The following FRMD4B variants were observed in gnomAD, a reference collection of about 807,000 sequenced individuals.
The protein encoded by FRMD4B is FERM domain-containing protein 4B.
Under a neutral mutation model 141.5 loss-of-function variants are expected in FRMD4B, and 74 were observed. The observed-to-expected ratio is 0.52, with a 90% confidence interval of 0.43 to 0.63. FRMD4B has a LOEUF of 0.63. Ranked by LOEUF, FRMD4B falls within the 30% of genes least tolerant of loss-of-function variation. The pLI, the probability that FRMD4B is intolerant of heterozygous loss-of-function variation, is 0.00. For synonymous variants in FRMD4B, 506 were observed against 467.9 expected (o/e 1.08, Z -1.05); for missense variants, 1,366 against 1,253.4 (o/e 1.09, Z -1.36).
At chr3:69,512,152 G>T (rs1396682303) in intron 1 of FRMD4B, among the ~76,000 whole-genome samples, 1 of 152,204 alleles carries the variant, frequency 6.6e-6, no homozygotes, top group African/African-American at 2.4e-5. Flanking sequence ...CAGATAAAAA[G>T]AAGAGGAACA....
At chr3:69,323,807 T>C (rs904094214) in intron 1 of FRMD4B, among the ~76,000 whole-genome samples, 1 of 151,858 alleles carries the variant, frequency 6.6e-6, no homozygotes, top group Admixed American at 6.5e-5. Flanking sequence ...GATGTAAACC[T>C]AGGTGTTCTG....
chr3:69,514,127 G>T (rs899338385), intron 1 of FRMD4B, among the ~76,000 whole-genome samples: 5 of 152,130 alleles, frequency 3.3e-5, no homozygotes, highest in Non-Finnish European at 1.5e-5. Context: ...TCTGATCACA[G>T]ATGACAAATC....
chr3:69,435,140 A>G (rs1705239837), intron 1 of FRMD4B, among the ~76,000 whole-genome samples: 1 of 152,208 alleles, frequency 6.6e-6, no homozygotes, highest in Admixed American at 6.5e-5. Flanking sequence ...ATTCTGAGGT[A>G]CTATGAATTA....
intron 5 of FRMD4B, among the ~76,000 whole-genome samples, chr3:69,269,729 C>T (rs113671350): frequency 7.3e-4 from 111 of 152,294 alleles, no homozygotes; most frequent in African/African-American, 2.4e-3. Context: ...AAGCGATTCT[C>T]GTGCCTCAGC....
chr3:69,453,238 T>A (rs531963823), intron 1 of FRMD4B, among the ~76,000 whole-genome samples: 2 of 152,198 alleles, frequency 1.3e-5, no homozygotes, highest in African/African-American at 2.4e-5. Context: ...CTATGTACAG[T>A]GCCTTGTGTT....
At chr3:69,274,398 C>A (rs1011671626) in intron 5 of FRMD4B, among the ~76,000 whole-genome samples, 51 of 152,166 alleles carry the variant, frequency 3.4e-4, no homozygotes, top group African/African-American at 1.2e-3. Context: ...TATGCACCTC[C>A]TCCGTAGCTG....
chr3:69,454,567 G>T (rs1705555940), intron 1 of FRMD4B, among the ~76,000 whole-genome samples: 1 of 152,214 alleles, frequency 6.6e-6, no homozygotes, highest in Admixed American at 6.5e-5. Context: ...GGCAGTGAGG[G>T]GCTTAGCACC....
chr3:69,356,513 C>T (rs796140992), intron 1 of FRMD4B, among the ~76,000 whole-genome samples: 5 of 151,802 alleles, frequency 3.3e-5, no homozygotes, highest in South Asian at 2.1e-4. Flanking sequence ...AGCCTGCAGA[C>T]GGCCTATTGT....
intron 1 of FRMD4B, chr3:69,353,539 C>G: frequency 1.0e-6 from 1 of 982,268 alleles, no homozygotes; most frequent in African/African-American, 1.7e-5. Flanking sequence ...AAAAATCATT[C>G]TTACCTCCGA....
chr3:69,180,656 T>C (rs2107590785), intron 21 of FRMD4B, among the ~76,000 whole-genome samples: 1 of 152,156 alleles, frequency 6.6e-6, no homozygotes, highest in South Asian at 2.1e-4. Flanking sequence ...GAGTAAATGC[T>C]CAATCAATGT....
At chr3:69,335,657 C>T (rs113138338) in intron 1 of FRMD4B, among the ~76,000 whole-genome samples, 1 of 151,952 alleles carries the variant, frequency 6.6e-6, no homozygotes, top group Non-Finnish European at 1.5e-5. Flanking sequence ...ACAATTTTTC[C>T]CCCAATACCC....
At chr3:69,206,972 G>T (rs1012573915) in intron 11 of FRMD4B, among the ~76,000 whole-genome samples, 1 of 152,006 alleles carries the variant, frequency 6.6e-6, no homozygotes, top group African/African-American at 2.4e-5. Flanking sequence ...CCAAAAAAAA[G>T]TCCCAAACCA....
In FRMD4B at chr3:69,207,100, C is replaced by T. The variant is rs549880459; in HGVS notation, c.877-8326G>A. ...GGAGGATCACTTGAGGCCATGAGTT[C>T]AAGACCAGCTTGGGCAACATAGTGA... On this transcript the variant is annotated intron_variant, in intron 11 of 22. Coordinates refer to ENST00000398540, the MANE Select transcript of FRMD4B (RefSeq NM_015123.3). Among the ~76,000 whole-genome samples, 6 of 151,542 alleles carry T rather than the reference C, an allele frequency of 4.0e-5. No homozygotes were observed. In the South Asian group the frequency reaches 1.0e-3, roughly 26 times the overall value.
At chr3:69,198,850 A>C in intron 11 of FRMD4B, 76 bp from the exon 12 acceptor site, 1 of 746,318 alleles carries the variant, frequency 1.3e-6, no homozygotes, top group African/African-American at 1.8e-5. Flanking sequence ...TTAATAATCA[A>C]ACAATTATAA....
chr3:69,435,603 T>C (rs138100478), intron 1 of FRMD4B, among the ~76,000 whole-genome samples: 1,610 of 152,346 alleles, frequency 0.011, 32 homozygotes, highest in African/African-American at 0.037. Flanking sequence ...GCTGAAAATA[T>C]ACTCTATCTG....
chr3:69,410,712 TAA>T (rs1447756166), intron 2 of FRMD4B, among the ~76,000 whole-genome samples: 1 of 70,232 alleles, frequency 1.4e-5, no homozygotes, highest in African/African-American at 5.8e-5. Context: ...AATATATAAA[TAA>T]ATAAATAAAT....
intron 19 of FRMD4B, among the ~76,000 whole-genome samples, chr3:69,186,369 C>T (rs1332405180): frequency 6.6e-6 from 1 of 151,322 alleles, no homozygotes; most frequent in East Asian, 2.0e-4. Context: ...CCTCAGTCTC[C>T]CAAGTAGCTA....
chr3:69,468,809 C>T (rs78067888), intron 1 of FRMD4B, among the ~76,000 whole-genome samples: 2,551 of 152,230 alleles, frequency 0.017, 35 homozygotes, highest in East Asian at 0.07. Flanking sequence ...AGGGACTGCT[C>T]CACCTCTGGA....
chr3:69,482,166 G>A (rs1457473795), intron 1 of FRMD4B, among the ~76,000 whole-genome samples: 1 of 152,150 alleles, frequency 6.6e-6, no homozygotes, highest in Non-Finnish European at 1.5e-5. Context: ...CTGCAGACCT[G>A]TAGTTCAATG....
Sources: allele counts gnomAD v4.1 joint callset (sites outside exome capture counted in the v4.1 genomes callset), GRCh38; gene constraint gnomAD v4.1.1; transcripts MANE v1.5; gene names NCBI Gene and HGNC (gene_info 2026-07-23, HGNC 2026-07-21).